Variants in IL10RB observed in about 807,000 individuals in gnomAD.
IL10RB encodes the protein interleukin 10 receptor subunit beta, also known as interleukin-10 receptor subunit beta.
In IL10RB, 30 loss-of-function variants were observed where a neutral mutation model predicts 38.7. The observed-to-expected ratio is 0.78, with a 90% CI of 0.58 to 1.05. IL10RB has a LOEUF of 1.05. Ranked by LOEUF, IL10RB falls within the 50% of genes least tolerant of loss-of-function variation. The pLI, the probability that IL10RB is intolerant of heterozygous loss-of-function variation, is 0.00. For missense variants in IL10RB, 328 were observed against 397.1 expected, an observed-to-expected ratio of 0.83 and a Z score of 1.48; for synonymous variants, 142 against 145.9, an observed-to-expected ratio of 0.97 and a Z score of 0.19.
chr21:33,306,132 T>C (rs547894415), intron 1 of IL10RB, among the ~76,000 whole-genome samples: 1 of 152,256 alleles, frequency 6.6e-6, no homozygotes, highest in African/African-American at 2.4e-5. Context: ...ACACCCATTT[T>C]TGATGCATTT....
At chr21:33,291,536 G>A (rs8178546) in intron 6 of IL10RB, among the ~76,000 whole-genome samples, 2,534 of 152,270 alleles carry the variant, frequency 0.017, 77 homozygotes, top group African/African-American at 0.058. Context: ...AAAGTGCTGG[G>A]ATTACAGGCG....
intron 6 of IL10RB, among the ~76,000 whole-genome samples, chr21:33,292,890 C>T (rs1053950663): frequency 6.6e-6 from 1 of 152,196 alleles, no homozygotes; most frequent in African/African-American, 2.4e-5. Context: ...CGGCCCATAC[C>T]TTCTGCAGGG....
downstream of IL10RB, among the ~76,000 whole-genome samples, chr21:33,299,907 G>C (rs112054857): frequency 4.4e-3 from 667 of 152,198 alleles, 6 homozygotes; most frequent in Admixed American, 4.8e-3. Context: ...TTAATACCCA[G>C]CTAACTGACT....
intron 1 of IL10RB, among the ~76,000 whole-genome samples, chr21:33,266,844 A>G (rs1988960409): frequency 6.6e-6 from 1 of 152,064 alleles, no homozygotes; most frequent in Non-Finnish European, 1.5e-5. Context: ...CAAAAGACCC[A>G]AGATCCCACC....
intron 6 of IL10RB, among the ~76,000 whole-genome samples, chr21:33,289,743 C>T (rs1418240807): frequency 6.6e-6 from 1 of 152,158 alleles, no homozygotes; most frequent in South Asian, 2.1e-4. Flanking sequence ...TTCATGTCCC[C>T]TGGTAGAAAT....
chr21:33,278,892 C>T (rs1025250518), intron 3 of IL10RB, among the ~76,000 whole-genome samples: 2 of 152,192 alleles, frequency 1.3e-5, no homozygotes, highest in African/African-American at 4.8e-5. Flanking sequence ...AAGAAGAATA[C>T]AGGACATAAC....
chr21:33,277,670 T>TC (rs1989200201), intron 3 of IL10RB, among the ~76,000 whole-genome samples: 1 of 131,578 alleles, frequency 7.6e-6, no homozygotes, highest in Non-Finnish European at 1.6e-5. Context: ...CTTTCTTTCT[T>TC]TTTTTTTTTT....
intron 6 of IL10RB, among the ~76,000 whole-genome samples, chr21:33,295,179 C>T (rs546839241): frequency 2.6e-4 from 40 of 151,954 alleles, no homozygotes; most frequent in African/African-American, 8.7e-4. Flanking sequence ...TCCTAGCTAA[C>T]GCTGTGAAAC....
chr21:33,270,123 T>C (rs930864582), intron 2 of IL10RB, among the ~76,000 whole-genome samples: 5 of 152,202 alleles, frequency 3.3e-5, no homozygotes, highest in African/African-American at 1.2e-4. Flanking sequence ...ATAAAATACT[T>C]GTATCTAATT....
chr21:33,293,525 T>A (rs1989530113), intron 6 of IL10RB, among the ~76,000 whole-genome samples: 1 of 152,138 alleles, frequency 6.6e-6, no homozygotes, highest in African/African-American at 2.4e-5. Context: ...TAGAACCCCC[T>A]ACAGAGAGTG....
At chr21:33,294,412 A>G (rs1379941301) in intron 6 of IL10RB, among the ~76,000 whole-genome samples, 1 of 147,612 alleles carries the variant, frequency 6.8e-6, no homozygotes, top group Admixed American at 6.8e-5. Flanking sequence ...TGTGTGTCCA[A>G]CCGGGAGACT....
intron 2 of IL10RB, among the ~76,000 whole-genome samples, chr21:33,272,065 G>T (rs1989091994): frequency 6.6e-6 from 1 of 152,214 alleles, no homozygotes; most frequent in Non-Finnish European, 1.5e-5. Context: ...TTTTCCAAAT[G>T]ATGGGATGTT....
At chr21:33,278,077 C>A (rs1340640617) in intron 3 of IL10RB, among the ~76,000 whole-genome samples, 2 of 147,762 alleles carry the variant, frequency 1.4e-5, no homozygotes, top group African/African-American at 5.0e-5. Flanking sequence ...ATTAGCCAGG[C>A]ATGGTGGAGT....
In IL10RB at chr21:33,288,198, C is replaced by T. The variant is rs769269032; in HGVS notation, c.741C>T (p.Cys247=). The T allele has an allele frequency of 8.7e-6, 14 of 1,613,776 alleles. No homozygotes were observed. Among genetic ancestry groups the T allele is most frequent in the South Asian group, 6.6e-5 (6 of 91,078 alleles). ...ALLGCFALLW[C]VYKKTKYAFS... ...TCGGCTGCTTCGCCTTGCTGTGGTG[C>T]GTTTACAAGAAGACAAAGTACGCCT... is the stretch of plus-strand genomic sequence containing the variant. The change falls in exon 6 of 7, where the codon TGC becomes TGT. Residue 247 remains cysteine, a synonymous_variant. Coordinates refer to ENST00000290200, the MANE Select transcript of IL10RB (RefSeq NM_000628.5).
At chr21:33,269,520 A>G (rs2123562755) in intron 2 of IL10RB, among the ~76,000 whole-genome samples, 1 of 152,374 alleles carries the variant, frequency 6.6e-6, no homozygotes, top group South Asian at 2.1e-4. Context: ...TGAATAAGAT[A>G]GTCCTCGTCT....
At chr21:33,284,312 A>G (rs1989335359) in intron 5 of IL10RB, among the ~76,000 whole-genome samples, 2 of 136,792 alleles carry the variant, frequency 1.5e-5, no homozygotes, top group Non-Finnish European at 3.2e-5. Context: ...AAAAAAAAAA[A>G]GAAAAGAAAA....
chr21:33,289,934 GA>G (rs747547525), intron 6 of IL10RB, among the ~76,000 whole-genome samples: 1 of 152,150 alleles, frequency 6.6e-6, no homozygotes. Context: ...CTAACATGGT[GA>G]AACCCCGTCT....
In IL10RB at chr21:33,279,862, G is replaced by A. The variant is rs45545138; in HGVS notation, c.442G>A (p.Val148Met). 1.1e-3 allele frequency: 1,785 copies of A among 1,613,568 alleles called. 7 individuals carry two copies. Among genetic ancestry groups the A allele is most frequent in the Middle Eastern group, 2.5e-3 (15 of 6,062 alleles). The change falls in exon 4 of 7, where the codon GTG becomes ATG. Residue 148 changes from valine (V) to methionine (M), a missense_variant. Coordinates refer to ENST00000290200, the MANE Select transcript of IL10RB (RefSeq NM_000628.5). ...ATACGAAACTTGGACTATGAAGAAT[G>A]TGTATAACTCATGGACTTATAATGT... The part of the protein sequence containing the change: ...NEYETWTMKN[V>M]YNSWTYNVQY...
intron 6 of IL10RB, among the ~76,000 whole-genome samples, chr21:33,292,800 C>A (rs1429496839): frequency 1.3e-5 from 2 of 152,240 alleles, no homozygotes; most frequent in Non-Finnish European, 2.9e-5. Flanking sequence ...CGAAGTCACA[C>A]ATTCCCCAGG....
Sources: gnomAD v4.1 joint callset for allele counts (sites outside exome capture counted in the v4.1 genomes callset) on GRCh38, gnomAD v4.1.1 for gene constraint, MANE v1.5 for transcripts, NCBI Gene and HGNC (gene_info 2026-07-23, HGNC 2026-07-21) for gene names.